NUGGC: variants seen among roughly 807,000 people sequenced by gnomAD.
The protein encoded by NUGGC is nuclear GTPase, germinal center associated.
Under a neutral mutation model 92.6 loss-of-function variants are expected in NUGGC, and 58 were observed. The observed-to-expected ratio is 0.63, with a 90% CI of 0.51 to 0.78. NUGGC has a LOEUF of 0.78. NUGGC is among the 30% of genes least tolerant of loss of function. NUGGC has a pLI of 0.00. For synonymous variants in NUGGC, 376 were observed against 366.4 expected, an observed-to-expected ratio of 1.03 and a Z score of -0.30; for missense variants, 925 against 964.6, an observed-to-expected ratio of 0.96 and a Z score of 0.54.
At chr8:28,066,348 T>G (rs1000011658) in intron 6 of NUGGC, among the ~76,000 whole-genome samples, 13 of 152,248 alleles carry the variant, frequency 8.5e-5, no homozygotes, top group African/African-American at 3.1e-4. Context: ...TGAAAAGGTT[T>G]CATTCATTTG....
chr8:28,062,219 G>A (rs145549538), intron 7 of NUGGC, among the ~76,000 whole-genome samples: 89 of 152,288 alleles, frequency 5.8e-4, no homozygotes, highest in African/African-American at 2.0e-3. Context: ...GCCACACGAC[G>A]ATGGATCCTG....
At chr8:28,057,924 G>A (rs906699733) in intron 9 of NUGGC, among the ~76,000 whole-genome samples, 2 of 152,110 alleles carry the variant, frequency 1.3e-5, no homozygotes, top group African/African-American at 4.8e-5. Context: ...GGGCGCGGTG[G>A]CTCACGCCTG....
At chr8:28,043,104 G>A (rs1809741018) in intron 12 of NUGGC, among the ~76,000 whole-genome samples, 1 of 152,210 alleles carries the variant, frequency 6.6e-6, no homozygotes. Flanking sequence ...GGTGTCACCA[G>A]TGATGAAAAT....
At chr8:28,066,073 C>T (rs2130241058) in intron 6 of NUGGC, among the ~76,000 whole-genome samples, 1 of 152,294 alleles carries the variant, frequency 6.6e-6, no homozygotes, top group South Asian at 2.1e-4. Flanking sequence ...TTCTGTTCAC[C>T]TTGTTTCCGT....
intron 10 of NUGGC, among the ~76,000 whole-genome samples, chr8:28,051,729 C>G (rs776527208): frequency 2.6e-5 from 4 of 152,134 alleles, no homozygotes; most frequent in Non-Finnish European, 5.9e-5. Flanking sequence ...TTGAGACCAG[C>G]CTGACCAGCA....
At chr8:28,079,561 C>A (rs910155813) in intron 1 of NUGGC, among the ~76,000 whole-genome samples, 2 of 152,182 alleles carry the variant, frequency 1.3e-5, no homozygotes, top group African/African-American at 2.4e-5. Context: ...AGGGCCCCTT[C>A]TTCTACAGAT....
At chr8:28,059,067 G>A (rs1028185426) in intron 8 of NUGGC, among the ~76,000 whole-genome samples, 5 of 152,166 alleles carry the variant, frequency 3.3e-5, no homozygotes, top group African/African-American at 9.7e-5. Flanking sequence ...CTGCTGGGGT[G>A]AGATGGGGAG....
intron 1 of NUGGC, among the ~76,000 whole-genome samples, chr8:28,077,007 C>T (rs950799461): frequency 1.3e-5 from 2 of 152,108 alleles, no homozygotes; most frequent in Admixed American, 6.5e-5. Flanking sequence ...GATATGACCA[C>T]CTAATAACGA....
At chr8:28,069,031 T>C (rs1376707659) in intron 4 of NUGGC, among the ~76,000 whole-genome samples, 1 of 152,184 alleles carries the variant, frequency 6.6e-6, no homozygotes, top group Non-Finnish European at 1.5e-5. Flanking sequence ...GGACAGAAAT[T>C]GTATATTCTT....
At chr8:28,033,215 C>A (rs1047874406) in intron 14 of NUGGC, among the ~76,000 whole-genome samples, 9 of 152,164 alleles carry the variant, frequency 5.9e-5, no homozygotes, top group Admixed American at 4.6e-4. Context: ...TTGCTTAATT[C>A]TACTCTCTCC....
chr8:28,032,958 A>G (rs1238858394), intron 14 of NUGGC, among the ~76,000 whole-genome samples: 1 of 151,916 alleles, frequency 6.6e-6, no homozygotes, highest in Non-Finnish European at 1.5e-5. Context: ...TCAGGATTTC[A>G]AGACCAAACT....
At chr8:28,068,626 T>C (rs1810508579) in intron 4 of NUGGC, among the ~76,000 whole-genome samples, 188 bp from the exon 5 acceptor site, 1 of 152,226 alleles carries the variant, frequency 6.6e-6, no homozygotes, top group Non-Finnish European at 1.5e-5. Context: ...GGGGATCAAA[T>C]GAGATTATGT....
rs766084745 is a variant in NUGGC, at chr8:28,047,553, G to A, written c.1266C>T (p.Ser422=). ...LEASDLVYTV[S]AQEYWQQALL... is the part of the protein sequence containing the mutation. ...GAGCCTGCTGCCAGTACTCCTGGGC[G>A]CTGACTGTATACACCAGATCTGAGG... Residue 422 remains serine (S), a synonymous_variant, in exon 11 of 19, where the codon AGC becomes AGT. Coordinates refer to ENST00000413272, the MANE Select transcript of NUGGC (RefSeq NM_001010906.2). 5 of 1,570,032 alleles carry A rather than the reference G, an allele frequency of 3.2e-6. No homozygotes were observed. The highest frequency in any genetic ancestry group is 2.7e-5 in the African/African-American group (2 of 73,926).
At position 28,031,277 on chromosome 8, in the gene NUGGC, T is replaced by C. The variant is rs1809411475; in HGVS notation, c.1874A>G (p.Tyr625Cys). The change falls in exon 15 of 19, where the codon TAT (tyrosine) becomes TGT (cysteine). Residue 625 changes from tyrosine to cysteine, a missense_variant. Tyr to Cys is a radical substitution (Grantham distance 194). Coordinates refer to ENST00000413272, the MANE Select transcript of NUGGC (RefSeq NM_001010906.2). ...TEIGIRSGWK[Y>C]DSCKKNFLIQ... ...CAGGAAATTTTTTTTGCAGCTATCATATTTCCAGCCACTTCTTATCCCAAT... is the reference window on the plus strand; with the variant it reads ...CAGGAAATTTTTTTTGCAGCTATCACATTTCCAGCCACTTCTTATCCCAAT... 4 of 1,613,914 alleles carry C rather than the reference T, an allele frequency of 2.5e-6. No homozygotes were observed. Among genetic ancestry groups the C allele is most frequent in the African/African-American group, 1.3e-5 (1 of 74,950 alleles).
intron 1 of NUGGC, among the ~76,000 whole-genome samples, chr8:28,077,539 C>T (rs1357398845): frequency 1.3e-5 from 2 of 151,932 alleles, no homozygotes; most frequent in Non-Finnish European, 2.9e-5. Context: ...TGCACTCCAG[C>T]CTGGGTGACA....
intron 13 of NUGGC, among the ~76,000 whole-genome samples, chr8:28,035,139 ACT>A (rs529082051): frequency 5.5e-4 from 83 of 151,940 alleles, no homozygotes; most frequent in Non-Finnish European, 1.1e-3. Context: ...CTCACAGCAA[ACT>A]CTCAACAGGG....
chr8:28,059,401 A>G (rs1810235570), intron 8 of NUGGC, among the ~76,000 whole-genome samples: 1 of 152,216 alleles, frequency 6.6e-6, no homozygotes, highest in Non-Finnish European at 1.5e-5. Context: ...CTCTCCATAG[A>G]AATCAACATC....
intron 7 of NUGGC, among the ~76,000 whole-genome samples, chr8:28,064,314 A>G (rs1563228081): frequency 6.6e-6 from 1 of 152,094 alleles, no homozygotes. Flanking sequence ...TCCCAGCTCC[A>G]ATAGTCACAT....
intron 10 of NUGGC, among the ~76,000 whole-genome samples, chr8:28,050,267 C>T (rs1809959178): frequency 6.6e-6 from 1 of 152,024 alleles, no homozygotes; most frequent in African/African-American, 2.4e-5. Context: ...TGCCTGTAAT[C>T]CCAGCTACTC....
Sources: allele counts gnomAD v4.1 joint callset (sites outside exome capture counted in the v4.1 genomes callset), GRCh38; gene constraint gnomAD v4.1.1; transcripts MANE v1.5; gene names NCBI Gene and HGNC (gene_info 2026-07-23, HGNC 2026-07-21).